SMARCAD1: variants seen among roughly 807,000 people sequenced by gnomAD.
SMARCAD1 encodes SNF2 related chromatin remodeling ATPase with DExD box 1.
In SMARCAD1, 25 loss-of-function variants were observed where a neutral mutation model predicts 127.1. The observed-to-expected ratio is 0.20, with a 90% CI of 0.14 to 0.27. SMARCAD1 has a LOEUF of 0.27. Among genes scored for constraint, SMARCAD1 ranks in the 10% least tolerant of loss-of-function variants. The pLI is 1.00. For missense variants in SMARCAD1, 807 were observed against 1,206.0 expected (o/e 0.67, Z 4.90); for synonymous variants, 400 against 396.9 (o/e 1.01, Z -0.09).
At chr4:94,213,195 A>G in intron 2 of SMARCAD1, 1 of 953,412 alleles carries the variant, frequency 1.0e-6, no homozygotes, top group African/African-American at 1.7e-5. Context: ...TGATAAAACC[A>G]TATAATAGGG....
intron 2 of SMARCAD1, among the ~76,000 whole-genome samples, chr4:94,214,825 A>G (rs997841428): frequency 6.6e-6 from 1 of 151,632 alleles, no homozygotes; most frequent in Non-Finnish European, 1.5e-5. Context: ...TTGCTGAAAT[A>G]GATTTAGTCC....
intron 19 of SMARCAD1, among the ~76,000 whole-genome samples, chr4:94,279,852 A>G (rs1753770980): frequency 6.7e-6 from 1 of 149,732 alleles, no homozygotes; most frequent in Admixed American, 6.6e-5. Context: ...AAAGCAACCC[A>G]TTTTCTTCCT....
At chr4:94,259,866 A>G (rs1278886324) in intron 9 of SMARCAD1, among the ~76,000 whole-genome samples, 1 of 152,196 alleles carries the variant, frequency 6.6e-6, no homozygotes, top group East Asian at 1.9e-4. Context: ...ATCATCAATA[A>G]TGTCTTAATA....
At chr4:94,287,339 C>G (rs893995145) in intron 23 of SMARCAD1, among the ~76,000 whole-genome samples, 1 of 152,168 alleles carries the variant, frequency 6.6e-6, no homozygotes, top group Non-Finnish European at 1.5e-5. Flanking sequence ...CTTTCCATCT[C>G]TCACAGTGAG....
At chr4:94,275,078 G>GTAA in intron 14 of SMARCAD1, 113 bp downstream of exon 14, 1 of 790,532 alleles carries the variant, frequency 1.3e-6, no homozygotes, top group South Asian at 1.4e-5. Flanking sequence ...TGATACGAAA[G>GTAA]TAATAGAATG....
chr4:94,258,363 C>T (rs115144771), intron 9 of SMARCAD1, among the ~76,000 whole-genome samples: 235 of 152,118 alleles, frequency 1.5e-3, no homozygotes, highest in African/African-American at 5.3e-3. Flanking sequence ...TGATGTTGGC[C>T]GGGCTGGTCT....
chr4:94,250,606 G>A, intron 7 of SMARCAD1, 146 bp from the exon 8 acceptor site: 1 of 549,864 alleles, frequency 1.8e-6, no homozygotes, highest in Non-Finnish European at 3.3e-6. Context: ...GAAAGCATTT[G>A]TAAAGCAGTG....
chr4:94,268,264 TTCC>T (rs1752030905), intron 10 of SMARCAD1, among the ~76,000 whole-genome samples: 1 of 152,210 alleles, frequency 6.6e-6, no homozygotes, highest in Admixed American at 6.5e-5. Context: ...TTTTTTAAAT[TTCC>T]TCATCACTTT....
chr4:94,236,868 A>G lies in SMARCAD1; in HGVS notation c.538-84A>G. On this transcript the variant is annotated intron_variant, in intron 4 of 23. Transcript: ENST00000354268. ...TACTTTCCTGTCATGTTTATATTTA[A>G]TATGTTTGTTCTTAAATATTTCAGT... The G allele has an allele frequency of 7.6e-6, 8 of 1,052,762 alleles. No homozygotes were observed. The South Asian group carries it at 1.0e-4, about 14-fold the overall frequency. 65.2% of individuals were successfully genotyped at this position (1,052,762 alleles called of 1,614,324 possible).
At chr4:94,244,237 C>T (rs1016144767) in intron 6 of SMARCAD1, among the ~76,000 whole-genome samples, 9 of 152,188 alleles carry the variant, frequency 5.9e-5, no homozygotes, top group African/African-American at 1.9e-4. Context: ...CTGTACCCTG[C>T]ATAAGTGGCT....
chr4:94,210,929 C>CAAAAAAAAAA (rs747690168), intron 2 of SMARCAD1, among the ~76,000 whole-genome samples: 1 of 57,044 alleles, frequency 1.8e-5, no homozygotes, highest in African/African-American at 8.3e-5. Flanking sequence ...GACTGTATCT[C>CAAAAAAAAAA]AAAAAAAAAA....
At chr4:94,282,721 A>G (rs1225319485) in intron 21 of SMARCAD1, among the ~76,000 whole-genome samples, 1 of 151,944 alleles carries the variant, frequency 6.6e-6, no homozygotes, top group Non-Finnish European at 1.5e-5. Context: ...TTTAAAGAAG[A>G]GAATCCACTT....
intron 23 of SMARCAD1, among the ~76,000 whole-genome samples, chr4:94,285,716 G>A (rs996932565): frequency 3.3e-5 from 5 of 152,272 alleles, no homozygotes; most frequent in Admixed American, 2.0e-4. Context: ...TCTTTCTTGC[G>A]TAGCATTTAT....
At chr4:94,229,923 A>G (rs1745579689) in intron 3 of SMARCAD1, among the ~76,000 whole-genome samples, 1 of 151,834 alleles carries the variant, frequency 6.6e-6, no homozygotes, top group African/African-American at 2.4e-5. Context: ...TTCTACCAGT[A>G]TCAGTATATT....
At chr4:94,253,980 G>A (rs1355664987) in intron 9 of SMARCAD1, among the ~76,000 whole-genome samples, 1 of 152,088 alleles carries the variant, frequency 6.6e-6, no homozygotes, top group East Asian at 1.9e-4. Context: ...AGTTGCTTTT[G>A]TGGTTAATTT....
chr4:94,275,796 C>CTTTTATTTTATTTTATTT lies in SMARCAD1; in HGVS notation c.1809-539_1809-538insATTTTATTTTATTTTTTT, dbSNP rs1553920714. 1.4e-4 allele frequency among the ~76,000 whole-genome samples: 12 copies of CTTTTATTTTATTTTATTT among 85,402 alleles called. 1 individual carries two copies. Among genetic ancestry groups the CTTTTATTTTATTTTATTT allele is most frequent in the East Asian group, 8.3e-4 (2 of 2,400 alleles). The allele number at this position is 85,402 out of a possible 152,430, so 56.0% of individuals were successfully genotyped here. On this transcript the variant is annotated intron_variant, in intron 14 of 23. Coordinates refer to ENST00000354268, the MANE Select transcript of SMARCAD1 (RefSeq NM_020159.5). ...TGTCCGATTGTAACATTAACATTTT[C>CTTTTATTTTATTTTATTT]TTTTTTTTTTTTTTTTTTGAGACGG...
chr4:94,248,221 A>G (rs1210241602), intron 6 of SMARCAD1, among the ~76,000 whole-genome samples: 1 of 152,138 alleles, frequency 6.6e-6, no homozygotes, highest in Non-Finnish European at 1.5e-5. Flanking sequence ...ATGCTTTCAG[A>G]TATACTACAA....
At chr4:94,267,141 G>A (rs2125963161) in intron 10 of SMARCAD1, among the ~76,000 whole-genome samples, 1 of 152,108 alleles carries the variant, frequency 6.6e-6, no homozygotes, top group Admixed American at 6.6e-5. Context: ...TGCCTTTTGA[G>A]CTAAATCTGC....
At chr4:94,219,301 A>G (rs113147234) in intron 2 of SMARCAD1, among the ~76,000 whole-genome samples, 241 of 152,294 alleles carry the variant, frequency 1.6e-3, no homozygotes, top group African/African-American at 5.5e-3. Context: ...TTTTTATTCT[A>G]TTTTGGGAGA....
Sources: gnomAD v4.1 joint callset for allele counts (sites outside exome capture counted in the v4.1 genomes callset) on GRCh38, gnomAD v4.1.1 for gene constraint, MANE v1.5 for transcripts, NCBI Gene and HGNC (gene_info 2026-07-23, HGNC 2026-07-21) for gene names.